The following ADGB variants were observed in gnomAD, a reference collection of about 807,000 sequenced individuals.
The protein encoded by ADGB is androglobin.
A neutral mutation model predicts 210.5 loss-of-function variants in ADGB; 172 were observed. The ratio of observed to expected loss-of-function variants is 0.82; its 90% CI spans 0.72 to 0.93. ADGB has a LOEUF of 0.93. Among genes scored for constraint, ADGB ranks in the 40% least tolerant of loss-of-function variants. ADGB has a pLI of 0.00. For synonymous variants in ADGB, 658 were observed against 662.7 expected, an observed-to-expected ratio of 0.99 and a Z score of 0.11; for missense variants, 2,025 against 1,964.8, an observed-to-expected ratio of 1.03 and a Z score of -0.58.
intron 3 of ADGB, among the ~76,000 whole-genome samples, chr6:146,646,058 A>G (rs1562263493): frequency 6.6e-6 from 1 of 152,118 alleles, no homozygotes; most frequent in African/African-American, 2.4e-5. Context: ...ATACAAATAA[A>G]GGGTGTGAAT....
intron 9 of ADGB, among the ~76,000 whole-genome samples, chr6:146,678,144 G>T (rs1169516915): frequency 6.6e-6 from 1 of 152,124 alleles, no homozygotes; most frequent in African/African-American, 2.4e-5. Flanking sequence ...GGAGATAATG[G>T]ATAGACAGTA....
At position 146,676,307 on chromosome 6, in the gene ADGB, T is replaced by A. The variant is rs1283768259; in HGVS notation, c.1088-6T>A. 6.5e-7 allele frequency: 1 copy of A among 1,539,146 alleles called. No homozygotes were observed. Among genetic ancestry groups the A allele is most frequent in the Admixed American group, 2.1e-5 (1 of 48,668 alleles). On this transcript the variant is annotated splice_region_variant and splice_polypyrimidine_tract_variant and intron_variant, in intron 8 of 35. Transcript: ENST00000397944. ...AAATATTTATTGTGATTTTTTCATA[T>A]GTTAGAGAAAGCAGATGCAAGAGAC...
chr6:146,631,066 GA>G (rs1337453817), intron 1 of ADGB, among the ~76,000 whole-genome samples: 1 of 152,152 alleles, frequency 6.6e-6, no homozygotes, highest in African/African-American at 2.4e-5. Context: ...ACAAGCAAGA[GA>G]ATCGAAAGTT....
chr6:146,740,677 T>C (rs1777152646), intron 24 of ADGB, 84 bp downstream of exon 24: 16 of 1,379,252 alleles, frequency 1.2e-5, no homozygotes, highest in Non-Finnish European at 1.6e-5. Flanking sequence ...GTAGTAAAGG[T>C]ATTAGCTTCT....
At chr6:146,746,180 C>T in intron 26 of ADGB, 71 bp downstream of exon 26, 1 of 1,145,252 alleles carries the variant, frequency 8.7e-7, no homozygotes, top group Non-Finnish European at 1.2e-6. Flanking sequence ...AAAATAAATT[C>T]TGCAGTAAAA....
chr6:146,737,440 A>T (rs1777096557), intron 23 of ADGB, among the ~76,000 whole-genome samples: 2 of 152,274 alleles, frequency 1.3e-5, no homozygotes, highest in South Asian at 4.1e-4. Flanking sequence ...GTATTCTCAG[A>T]AATCTTAGTG....
chr6:146,620,150 T>C (rs924160460), intron 1 of ADGB, among the ~76,000 whole-genome samples: 4 of 152,160 alleles, frequency 2.6e-5, no homozygotes, highest in South Asian at 4.1e-4. Context: ...GAAAGTTATA[T>C]TGGGACTCCA....
chr6:146,808,963 G>A (rs1391530211), intron 35 of ADGB, among the ~76,000 whole-genome samples: 1 of 151,900 alleles, frequency 6.6e-6, no homozygotes, highest in Non-Finnish European at 1.5e-5. Flanking sequence ...TGGAGGCCGC[G>A]AAGGCCTCGA....
chr6:146,807,581 A>T, intron 35 of ADGB: 1 of 1,537,556 alleles, frequency 6.5e-7, no homozygotes, highest in Non-Finnish European at 8.7e-7. Flanking sequence ...AAGGAAAGAA[A>T]AAGTAACCAG....
At chr6:146,708,395 A>C (rs150477754) in intron 13 of ADGB, among the ~76,000 whole-genome samples, 1 of 152,194 alleles carries the variant, frequency 6.6e-6, no homozygotes, top group African/African-American at 2.4e-5. Flanking sequence ...ATTTCTCATA[A>C]AACAGATCTT....
intron 35 of ADGB, chr6:146,802,332 A>G (rs1778147528): frequency 5.6e-6 from 1 of 179,328 alleles, no homozygotes; most frequent in Non-Finnish European, 1.1e-5. Flanking sequence ...GAGACATACA[A>G]ATCCTAAACT....
intron 10 of ADGB, 73 bp from the exon 11 acceptor site, chr6:146,691,043 A>G: frequency 1.5e-6 from 2 of 1,317,690 alleles, no homozygotes; most frequent in South Asian, 3.6e-5. Context: ...TGTTCGTGAT[A>G]GTATTTTTAC....
chr6:146,653,411 TGGG>T (rs1775732954), intron 3 of ADGB, among the ~76,000 whole-genome samples: 1 of 152,150 alleles, frequency 6.6e-6, no homozygotes, highest in Admixed American at 6.6e-5. Context: ...CCAAAAAGGT[TGGG>T]GACCACTGTT....
intron 1 of ADGB, among the ~76,000 whole-genome samples, chr6:146,631,651 T>C (rs943870445): frequency 6.6e-6 from 1 of 152,126 alleles, no homozygotes; most frequent in African/African-American, 2.4e-5. Context: ...TTACTGGAGA[T>C]GGAGGAAATG....
Position 146,815,432 on chromosome 6 carries a change from A to G in ADGB, c.*215A>G, listed in dbSNP as rs1237581672. The G allele has an allele frequency of 3.2e-6, 1 of 307,742 alleles. No individual in the cohort carries two copies. The highest frequency in any genetic ancestry group is 5.1e-5 in the Admixed American group (1 of 19,708). The allele number at this position is 307,742 out of a possible 1,614,324, so 19.1% of individuals were successfully genotyped here. A position where few individuals can be genotyped will look rare whatever the true frequency, so the allele number is the denominator to read the frequency against. On this transcript the variant is annotated 3_prime_UTR_variant, in exon 36 of 36. Coordinates refer to ENST00000397944, the MANE Select transcript of ADGB (RefSeq NM_024694.4). Reference sequence around the variant, plus strand: ...CTAATTTCAATAAAATAGCTTCCAAATATTTAATAAAATATGTTTGACACT... The same window carrying G: ...CTAATTTCAATAAAATAGCTTCCAAGTATTTAATAAAATATGTTTGACACT...
intron 29 of ADGB, among the ~76,000 whole-genome samples, chr6:146,777,946 C>A (rs1777744975): frequency 6.6e-6 from 1 of 152,170 alleles, no homozygotes; most frequent in African/African-American, 2.4e-5. Context: ...TGTATGATTT[C>A]TACACTCACC....
intron 30 of ADGB, among the ~76,000 whole-genome samples, chr6:146,784,195 T>C (rs1008490788): frequency 5.3e-5 from 8 of 152,152 alleles, no homozygotes. Flanking sequence ...TCACACCTCA[T>C]CTCCTGGTAA....
chr6:146,738,436 A>ATTTTTTTTT (rs1777110763), intron 23 of ADGB, among the ~76,000 whole-genome samples: 1 of 111,974 alleles, frequency 8.9e-6, no homozygotes, highest in African/African-American at 3.6e-5. Flanking sequence ...ATCCCATTTC[A>ATTTTTTTTT]TCTTTTTTTT....
At chr6:146,617,539 A>T (rs1436607628) in intron 1 of ADGB, among the ~76,000 whole-genome samples, 1 of 150,834 alleles carries the variant, frequency 6.6e-6, no homozygotes, top group African/African-American at 2.4e-5. Context: ...AAGGCTTTCA[A>T]TTTTTTTTTC....
Sources: allele counts gnomAD v4.1 joint callset (sites outside exome capture counted in the v4.1 genomes callset), GRCh38; gene constraint gnomAD v4.1.1; transcripts MANE v1.5; gene names NCBI Gene and HGNC (gene_info 2026-07-23, HGNC 2026-07-21).